CTNNA3: variants seen among roughly 807,000 people sequenced by gnomAD.
CTNNA3 encodes catenin alpha 3, also known as catenin alpha-3.
Under a neutral mutation model 95.7 loss-of-function variants are expected in CTNNA3, and 76 were observed. The ratio of observed to expected loss-of-function variants is 0.79; its 90% CI spans 0.66 to 0.96. The LOEUF (loss-of-function observed/expected upper bound fraction) is 0.96. Among genes scored for constraint, CTNNA3 ranks in the 40% least tolerant of loss-of-function variants. The pLI, the probability that CTNNA3 is intolerant of heterozygous loss-of-function variation, is 0.00. For synonymous variants in CTNNA3, 431 were observed against 374.4 expected (o/e 1.15, Z -1.74); for missense variants, 1,191 against 1,089.8 (o/e 1.09, Z -1.31).
chr10:66,828,312 A>C (rs1362096025), intron 7 of CTNNA3, among the ~76,000 whole-genome samples: 1 of 152,226 alleles, frequency 6.6e-6, no homozygotes, highest in Non-Finnish European at 1.5e-5. Context: ...CAGAAGCCAG[A>C]CTAAACCAAA....
chr10:66,389,724 GGAGAGAGA>G (rs3980751), intron 11 of CTNNA3, among the ~76,000 whole-genome samples: 69,555 of 145,368 alleles, frequency 0.48, 16,551 homozygotes, highest in African/African-American at 0.56. Flanking sequence ...ATATATATAT[GGAGAGAGA>G]GAGAGAGAGA....
intron 7 of CTNNA3, among the ~76,000 whole-genome samples, chr10:66,877,426 G>C (rs559813269): frequency 6.6e-6 from 1 of 152,142 alleles, no homozygotes; most frequent in Non-Finnish European, 1.5e-5. Context: ...TGGGGCCAGG[G>C]ATTAACTCCA....
intron 3 of CTNNA3, among the ~76,000 whole-genome samples, chr10:67,562,561 C>T (rs1027593201): frequency 1.3e-5 from 2 of 152,164 alleles, no homozygotes; most frequent in East Asian, 3.8e-4. Context: ...TGGAAGCATT[C>T]CCTTTGAAAA....
chr10:66,719,970 G>C (rs567599199), intron 9 of CTNNA3, among the ~76,000 whole-genome samples: 2 of 152,220 alleles, frequency 1.3e-5, no homozygotes, highest in African/African-American at 4.8e-5. Context: ...TGAAAGAAAA[G>C]GGTAAAGTGG....
At chr10:66,596,313 C>T (rs1843713566) in intron 10 of CTNNA3, among the ~76,000 whole-genome samples, 2 of 152,052 alleles carry the variant, frequency 1.3e-5, no homozygotes, top group Admixed American at 1.3e-4. Context: ...GGATTCCATG[C>T]CCCTCAACTA....
At chr10:66,182,065 C>A (rs1284459499) in intron 13 of CTNNA3, among the ~76,000 whole-genome samples, 1 of 152,120 alleles carries the variant, frequency 6.6e-6, no homozygotes, top group East Asian at 1.9e-4. Flanking sequence ...GATATCCTAA[C>A]AAGTATTTGT....
intron 5 of CTNNA3, among the ~76,000 whole-genome samples, chr10:67,305,354 T>TA (rs1840502771): frequency 1.8e-5 from 2 of 114,220 alleles, no homozygotes; most frequent in Admixed American, 1.0e-4. Flanking sequence ...CCCTAAAACT[T>TA]AGAGTATAAT....
intron 12 of CTNNA3, among the ~76,000 whole-genome samples, chr10:66,373,559 A>T (rs779708884): frequency 4.6e-5 from 7 of 151,704 alleles, no homozygotes; most frequent in Non-Finnish European, 7.4e-5. Context: ...TAGCCAAGTG[A>T]TCTGCAGACA....
At chr10:66,961,649 T>G (rs530919676) in intron 7 of CTNNA3, among the ~76,000 whole-genome samples, 1 of 152,164 alleles carries the variant, frequency 6.6e-6, no homozygotes, top group South Asian at 2.1e-4. Context: ...ACTCCAGATT[T>G]ATATCCATAG....
chr10:66,510,659 T>A (rs1840623006), intron 11 of CTNNA3, among the ~76,000 whole-genome samples: 1 of 151,918 alleles, frequency 6.6e-6, no homozygotes, highest in Non-Finnish European at 1.5e-5. Flanking sequence ...AATATGTTTT[T>A]AAAATTTTAT....
chr10:66,286,217 A>G (rs2091586317), intron 12 of CTNNA3, among the ~76,000 whole-genome samples: 1 of 152,072 alleles, frequency 6.6e-6, no homozygotes, highest in Non-Finnish European at 1.5e-5. Context: ...CCTATCAACA[A>G]TGCCTAAATA....
chr10:66,833,409 T>C (rs1388571300), intron 7 of CTNNA3, among the ~76,000 whole-genome samples: 5 of 152,242 alleles, frequency 3.3e-5, no homozygotes, highest in Non-Finnish European at 5.9e-5. Flanking sequence ...ACTGACTACG[T>C]GCAAATCCTT....
At chr10:67,186,326 T>A (rs943809164) in intron 6 of CTNNA3, among the ~76,000 whole-genome samples, 1 of 152,212 alleles carries the variant, frequency 6.6e-6, no homozygotes, top group Non-Finnish European at 1.5e-5. Context: ...ATAGCCTATA[T>A]TGTAGAATTA....
intron 7 of CTNNA3, among the ~76,000 whole-genome samples, chr10:67,034,708 C>T (rs573495018): frequency 6.6e-6 from 1 of 152,326 alleles, no homozygotes; most frequent in South Asian, 2.1e-4. Context: ...CACCCTCCTA[C>T]TCAGATGCAA....
chr10:67,166,278 A>G (rs1861767055), intron 7 of CTNNA3, among the ~76,000 whole-genome samples: 1 of 152,216 alleles, frequency 6.6e-6, no homozygotes, highest in Non-Finnish European at 1.5e-5. Flanking sequence ...GCAATTACCA[A>G]TATCATTATA....
chr10:66,375,321 T>A (rs1017083566), intron 12 of CTNNA3, among the ~76,000 whole-genome samples: 2 of 151,852 alleles, frequency 1.3e-5, no homozygotes, highest in African/African-American at 4.8e-5. Flanking sequence ...AGACTGGGGC[T>A]ATAATGAGAC....
chr10:66,806,041 G>C (rs1023425626), intron 7 of CTNNA3, among the ~76,000 whole-genome samples: 6 of 151,864 alleles, frequency 4.0e-5, no homozygotes, highest in African/African-American at 1.5e-4. Flanking sequence ...GCAATAAAAT[G>C]GAAAATTAGT....
chr10:67,268,907 A>C (rs914968767), intron 5 of CTNNA3, among the ~76,000 whole-genome samples: 6 of 152,234 alleles, frequency 3.9e-5, no homozygotes, highest in Non-Finnish European at 8.8e-5. Context: ...ACTACTAAAA[A>C]TAAAAAAAAT....
intron 3 of CTNNA3, among the ~76,000 whole-genome samples, chr10:67,557,707 T>A (rs1841308998): frequency 6.6e-6 from 1 of 152,158 alleles, no homozygotes; most frequent in African/African-American, 2.4e-5. Flanking sequence ...TTGTTCAGGG[T>A]TATTGGGTTG....
Sources: gnomAD v4.1 joint callset for allele counts (sites outside exome capture counted in the v4.1 genomes callset) on GRCh38, gnomAD v4.1.1 for gene constraint, MANE v1.5 for transcripts, NCBI Gene and HGNC (gene_info 2026-07-23, HGNC 2026-07-21) for gene names.